ARID2: variants seen among roughly 807,000 people sequenced by gnomAD.
ARID2 encodes the protein AT-rich interaction domain 2.
A neutral mutation model predicts 184.6 loss-of-function variants in ARID2; 32 were observed. The observed-to-expected ratio is 0.17, with a 90% confidence interval of 0.13 to 0.23. ARID2 has a LOEUF of 0.23. Among genes scored for constraint, ARID2 ranks in the 10% least tolerant of loss-of-function variants. The pLI is 1.00. For missense variants in ARID2, 1,696 were observed against 2,197.6 expected (o/e 0.77, Z 4.56); for synonymous variants, 836 against 772.6 (o/e 1.08, Z -1.36).
intron 3 of ARID2, among the ~76,000 whole-genome samples, chr12:45,808,385 A>G (rs929303822): frequency 6.6e-6 from 1 of 152,218 alleles, no homozygotes; most frequent in Non-Finnish European, 1.5e-5. Context: ...AGTGAGAACA[A>G]GTACTGGTCT....
intron 16 of ARID2, chr12:45,882,272 C>T (rs982895485): frequency 2.0e-5 from 3 of 152,124 alleles, no homozygotes; most frequent in African/African-American, 7.2e-5. Context: ...TGATTATTCC[C>T]ATAAGTCAAA....
At chr12:45,777,803 T>C (rs1942013333) in intron 3 of ARID2, among the ~76,000 whole-genome samples, 1 of 147,858 alleles carries the variant, frequency 6.8e-6, no homozygotes, top group Admixed American at 6.8e-5. Context: ...TATAAATATA[T>C]ATTTTATTTT....
intron 3 of ARID2, among the ~76,000 whole-genome samples, chr12:45,763,374 G>A (rs777645567): frequency 2.0e-5 from 3 of 152,002 alleles, no homozygotes; most frequent in Non-Finnish European, 4.4e-5. Flanking sequence ...GGAGGTGGAG[G>A]CAGGAGAATC....
At chr12:45,735,928 G>A (rs1941108430) in intron 3 of ARID2, among the ~76,000 whole-genome samples, 1 of 151,896 alleles carries the variant, frequency 6.6e-6, no homozygotes, top group African/African-American at 2.4e-5. Flanking sequence ...TTTTTTTGCA[G>A]TTAAATTTTC....
At chr12:45,735,675 T>TA (rs1425986173) in intron 3 of ARID2, among the ~76,000 whole-genome samples, 3 of 152,168 alleles carry the variant, frequency 2.0e-5, no homozygotes, top group Admixed American at 1.3e-4. Flanking sequence ...GATATTCTGT[T>TA]ACGTTTTTAA....
intron 3 of ARID2, among the ~76,000 whole-genome samples, chr12:45,750,804 C>G (rs756998656): frequency 2.2e-4 from 34 of 152,172 alleles, no homozygotes; most frequent in Non-Finnish European, 4.0e-4. Context: ...CCCCAAACTA[C>G]CCTATAAGAA....
rs1943570840 is a variant in ARID2 at position 45,852,418 on chromosome 12, A to G, written c.4295A>G (p.Gln1432Arg). 6.2e-7 allele frequency: 1 copy of G among 1,614,062 alleles called. No homozygotes were observed. Among genetic ancestry groups the G allele is most frequent in the African/African-American group, 1.3e-5 (1 of 74,940 alleles). The change falls in exon 15 of 21, where the codon CAG (glutamine) becomes CGG (arginine). Residue 1432 changes from glutamine (Q) to arginine (R), a missense_variant. Physicochemically the swap from Gln to Arg is conservative, Grantham distance 43. Around this residue, in one of 11 missense-constraint regions of ARID2, gnomAD observed 428 missense variants for 409.1 expected, o/e 1.05. Transcript: ENST00000334344. ...TLGGSSVSSI[Q>R]EASNAATQQF... ...GGTGGTTCATCTGTGAGCAGTATACAGGAGGCTTCAAATGCGGCAACACAG... is the reference window on the plus strand; with the variant it reads ...GGTGGTTCATCTGTGAGCAGTATACGGGAGGCTTCAAATGCGGCAACACAG...
At position 45,795,084 on chromosome 12, in the gene ARID2, T is replaced by C. The variant is rs377005512; in HGVS notation, c.285-16334T>C. ...GTTTTTTTTTTAAACATGGAAGAGT[T>C]CTTAGATTATTCAAGAAATATAAAT... On this transcript the variant is annotated intron_variant, in intron 3 of 20. Coordinates refer to ENST00000334344, the MANE Select transcript of ARID2 (RefSeq NM_152641.4). Among the ~76,000 whole-genome samples the C allele has an allele frequency of 1.2e-3, 185 of 152,216 alleles. 7 individuals are homozygous for C. In the South Asian group the frequency reaches 0.037, roughly 31 times the overall value.
intron 3 of ARID2, among the ~76,000 whole-genome samples, chr12:45,767,669 C>G (rs1209352011): frequency 1.3e-5 from 2 of 152,082 alleles, no homozygotes; most frequent in African/African-American, 4.8e-5. Context: ...TTTCTTGAAA[C>G]AAAACAAAAC....
chr12:45,787,734 T>A (rs2138048096), intron 3 of ARID2, among the ~76,000 whole-genome samples: 1 of 152,270 alleles, frequency 6.6e-6, no homozygotes, highest in East Asian at 1.9e-4. Flanking sequence ...ACTAGGCTGT[T>A]AGTATATATT....
At chr12:45,731,344 T>A (rs1291259402) in intron 3 of ARID2, 30 bp downstream of exon 3, 4 of 1,502,896 alleles carry the variant, frequency 2.7e-6, no homozygotes, top group Non-Finnish European at 2.8e-6. Context: ...CCATAGTATT[T>A]GGAAATAAGG....
chr12:45,746,425 A>G (rs1941355976), intron 3 of ARID2, among the ~76,000 whole-genome samples: 1 of 152,130 alleles, frequency 6.6e-6, no homozygotes, highest in Non-Finnish European at 1.5e-5. Context: ...CTATTACTGT[A>G]AATATCTAGA....
At chr12:45,817,145 C>T (rs900586625) in intron 4 of ARID2, among the ~76,000 whole-genome samples, 3 of 152,206 alleles carry the variant, frequency 2.0e-5, no homozygotes, top group Non-Finnish European at 4.4e-5. Context: ...TGCATAAACT[C>T]GGTAGATTGA....
chr12:45,844,064 A>G (rs570031547), intron 11 of ARID2, among the ~76,000 whole-genome samples: 2 of 152,006 alleles, frequency 1.3e-5, no homozygotes, highest in Admixed American at 1.3e-4. Context: ...AAAGGGTCTC[A>G]CTCGGTCACC....
At chr12:45,792,203 C>T (rs956194430) in intron 3 of ARID2, among the ~76,000 whole-genome samples, 1 of 152,094 alleles carries the variant, frequency 6.6e-6, no homozygotes, top group Admixed American at 6.5e-5. Flanking sequence ...GTCTTAAGTA[C>T]TGCTTTTAGC....
At chr12:45,765,489 G>T (rs987595961) in intron 3 of ARID2, among the ~76,000 whole-genome samples, 1 of 151,030 alleles carries the variant, frequency 6.6e-6, no homozygotes, top group African/African-American at 2.4e-5. Context: ...GGAATTAGAG[G>T]TTTGAACTAC....
intron 16 of ARID2, among the ~76,000 whole-genome samples, chr12:45,877,838 A>G (rs1944036284): frequency 6.6e-6 from 1 of 152,192 alleles, no homozygotes; most frequent in African/African-American, 2.4e-5. Context: ...TCCTTACTCT[A>G]TGTAAATTCA....
chr12:45,813,374 A>T (rs1201598610), intron 4 of ARID2, among the ~76,000 whole-genome samples: 1 of 151,966 alleles, frequency 6.6e-6, no homozygotes, highest in Non-Finnish European at 1.5e-5. Context: ...TCAATATATA[A>T]AGCAAATAAG....
chr12:45,868,167 G>A (rs906159337), intron 16 of ARID2, among the ~76,000 whole-genome samples: 1 of 152,042 alleles, frequency 6.6e-6, no homozygotes, highest in Non-Finnish European at 1.5e-5. Flanking sequence ...TTGGCCAGGC[G>A]TGGTGGCTCA....
Sources: gnomAD v4.1 joint callset for allele counts (sites outside exome capture counted in the v4.1 genomes callset) on GRCh38, gnomAD v4.1.1 for gene constraint, gnomAD v4.1.1 regional missense constraint, MANE v1.5 for transcripts, NCBI Gene and HGNC (gene_info 2026-07-23, HGNC 2026-07-21) for gene names.